The following AK5 variants were observed in gnomAD, a reference collection of about 807,000 sequenced individuals.
AK5 encodes adenylate kinase 5.
AK5 carries 27 observed loss-of-function variants against 69.5 expected under a neutral mutation model. The observed-to-expected ratio is 0.39, with a 90% CI of 0.29 to 0.54. The LOEUF is 0.54. Ranked by LOEUF, AK5 falls within the 20% of genes least tolerant of loss-of-function variation. The pLI, the probability that AK5 is intolerant of heterozygous loss-of-function variation, is 0.71. For missense variants in AK5, 531 were observed against 700.4 expected, an observed-to-expected ratio of 0.76 and a Z score of 2.73; for synonymous variants, 260 against 244.4, an observed-to-expected ratio of 1.06 and a Z score of -0.60.
intron 6 of AK5, among the ~76,000 whole-genome samples, chr1:77,354,837 G>C (rs1414999979): frequency 3.3e-5 from 5 of 152,180 alleles, no homozygotes; most frequent in Non-Finnish European, 7.3e-5. Context: ...TCAAGTTCAG[G>C]ATCAAGGAGG....
intron 1 of AK5, chr1:77,283,600 C>G: frequency 1.0e-6 from 1 of 985,422 alleles, no homozygotes; most frequent in Non-Finnish European, 1.2e-6. Context: ...CATCTGAAGT[C>G]AAGATTTCCA....
At chr1:77,337,245 G>T (rs12402184) in intron 5 of AK5, among the ~76,000 whole-genome samples, 29,006 of 152,110 alleles carry the variant, frequency 0.19, 3,077 homozygotes, top group East Asian at 0.43. Context: ...TGTAATTGTT[G>T]TAGTAATCCC....
At chr1:77,370,370 C>T (rs2100473443) in intron 6 of AK5, among the ~76,000 whole-genome samples, 1 of 152,274 alleles carries the variant, frequency 6.6e-6, no homozygotes, top group African/African-American at 2.4e-5. Flanking sequence ...GTCTCACAAA[C>T]TCACACGCAA....
At chr1:77,467,442 G>A (rs370557886) in intron 8 of AK5, among the ~76,000 whole-genome samples, 4 of 151,760 alleles carry the variant, frequency 2.6e-5, no homozygotes, top group Middle Eastern at 3.4e-3. Flanking sequence ...AAAACACTTC[G>A]GAAATCCAAG....
At chr1:77,417,939 A>C (rs1650538914) in intron 8 of AK5, 1 of 401,198 alleles carries the variant, frequency 2.5e-6, no homozygotes, top group Non-Finnish European at 4.5e-6. Flanking sequence ...AATTAAAGAA[A>C]GGTTTATCAT....
At chr1:77,361,538 C>A (rs2100438972) in intron 6 of AK5, among the ~76,000 whole-genome samples, 1 of 152,224 alleles carries the variant, frequency 6.6e-6, no homozygotes, top group African/African-American at 2.4e-5. Context: ...AAAGTTTGGG[C>A]AACTTATACA....
intron 10 of AK5, among the ~76,000 whole-genome samples, chr1:77,505,242 G>A (rs955851834): frequency 1.3e-5 from 2 of 152,242 alleles, no homozygotes; most frequent in South Asian, 2.1e-4. Context: ...AGATAATCTC[G>A]AAGTTCTCTG....
chr1:77,406,105 C>A (rs1362140482), intron 6 of AK5, among the ~76,000 whole-genome samples: 1 of 152,132 alleles, frequency 6.6e-6, no homozygotes, highest in Non-Finnish European at 1.5e-5. Flanking sequence ...CTGATGATAA[C>A]TAACAGATAT....
intron 6 of AK5, among the ~76,000 whole-genome samples, chr1:77,358,697 C>T (rs1416034364): frequency 2.0e-5 from 3 of 151,958 alleles, no homozygotes; most frequent in Non-Finnish European, 4.4e-5. Flanking sequence ...CTATCCTTAG[C>T]TCTTTCAATT....
chr1:77,407,353 T>C lies in AK5; in HGVS notation c.892-3628T>C, dbSNP rs114274417. On this transcript the variant is annotated intron_variant, in intron 6 of 13. Transcript: ENST00000354567. ...GGAATGAACTAAGGATATAACAACATTGATGAATCTCAGAATAATAGTACT... is the reference window on the plus strand; with the variant it reads ...GGAATGAACTAAGGATATAACAACACTGATGAATCTCAGAATAATAGTACT... Among the ~76,000 whole-genome samples, 503 of 152,254 alleles carry C rather than the reference T, an allele frequency of 3.3e-3. 7 individuals are homozygous for C. The highest frequency in any genetic ancestry group is 0.012 in the African/African-American group (487 of 41,542).
chr1:77,414,232 A>C (rs2100575950), intron 7 of AK5, among the ~76,000 whole-genome samples: 1 of 152,330 alleles, frequency 6.6e-6, no homozygotes, highest in East Asian at 1.9e-4. Context: ...CGTTAAAATT[A>C]AACTGTAACG....
At chr1:77,461,904 G>A (rs1028631109) in intron 8 of AK5, among the ~76,000 whole-genome samples, 9 of 152,154 alleles carry the variant, frequency 5.9e-5, no homozygotes, top group Non-Finnish European at 1.2e-4. Flanking sequence ...TATGTGAGAT[G>A]ATATATTTGT....
chr1:77,450,366 TG>T (rs1653069727), intron 8 of AK5, among the ~76,000 whole-genome samples: 1 of 152,212 alleles, frequency 6.6e-6, no homozygotes, highest in African/African-American at 2.4e-5. Context: ...ACCAAATTAC[TG>T]TATTAGTCTG....
intron 13 of AK5, among the ~76,000 whole-genome samples, chr1:77,550,868 T>G (rs1659789709): frequency 6.6e-6 from 1 of 152,194 alleles, no homozygotes; most frequent in Non-Finnish European, 1.5e-5. Flanking sequence ...AACTGGGCTC[T>G]CTTTTGCTCC....
At chr1:77,335,773 T>C (rs938150395) in intron 5 of AK5, among the ~76,000 whole-genome samples, 1 of 152,182 alleles carries the variant, frequency 6.6e-6, no homozygotes, top group Non-Finnish European at 1.5e-5. Context: ...ATTTTAATCT[T>C]TTTTACTCCC....
intron 5 of AK5, among the ~76,000 whole-genome samples, chr1:77,316,311 A>G (rs1165369599): frequency 6.6e-6 from 1 of 152,098 alleles, no homozygotes; most frequent in Non-Finnish European, 1.5e-5. Flanking sequence ...TGAAGCATGT[A>G]GAATGACTAT....
chr1:77,518,664 A>G lies in AK5; in HGVS notation c.1248A>G (p.Ala416=). 2.5e-6 allele frequency: 4 copies of G among 1,614,212 alleles called. No individual in the cohort carries two copies. Among genetic ancestry groups the G allele is most frequent in the South Asian group, 1.1e-5 (1 of 91,082 alleles). ...GCGAGCTCCTGCGTGAGGAACTGGC[A>G]TCAGAATCTGAAAGAAGCAAATTGA... ...STGELLREEL[A]SESERSKLIR... Residue 416 remains alanine (A), a synonymous_variant, in exon 11 of 14, where the codon GCA becomes GCG. Transcript: ENST00000354567.
At chr1:77,481,053 A>G (rs1283611978) in intron 8 of AK5, among the ~76,000 whole-genome samples, 1 of 152,216 alleles carries the variant, frequency 6.6e-6, no homozygotes, top group East Asian at 1.9e-4. Context: ...AGCTTGAGGC[A>G]GGGAGCCAGA....
chr1:77,475,003 A>G (rs1252885186), intron 8 of AK5, among the ~76,000 whole-genome samples: 2 of 151,352 alleles, frequency 1.3e-5, no homozygotes, highest in Admixed American at 6.6e-5. Flanking sequence ...GGGTCTCACT[A>G]TGTTTACCAG....
Sources: gnomAD v4.1 joint callset for allele counts (sites outside exome capture counted in the v4.1 genomes callset) on GRCh38, gnomAD v4.1.1 for gene constraint, MANE v1.5 for transcripts, NCBI Gene and HGNC (gene_info 2026-07-23, HGNC 2026-07-21) for gene names.